Variants in ANO1 observed in about 807,000 individuals in gnomAD.
ANO1 encodes the protein anoctamin 1.
ANO1 carries 59 observed loss-of-function variants against 124.0 expected under a neutral mutation model. The observed-to-expected ratio is 0.48, with a 90% CI of 0.39 to 0.59. ANO1 has a LOEUF of 0.59. ANO1 is among the 20% of genes least tolerant of loss of function. The pLI is 0.00. For missense variants in ANO1, 1,059 were observed against 1,328.0 expected (o/e 0.80, Z 3.15); for synonymous variants, 529 against 532.0 (o/e 0.99, Z 0.08).
At chr11:70,109,274 G>A (rs1171037643) in intron 6 of ANO1, among the ~76,000 whole-genome samples, 1 of 152,196 alleles carries the variant, frequency 6.6e-6, no homozygotes, top group Non-Finnish European at 1.5e-5. Context: ...AATGCTGTGG[G>A]AAGTAAAATG....
At chr11:70,022,494 G>A (rs1856826038) in intron 1 of ANO1, among the ~76,000 whole-genome samples, 2 of 152,062 alleles carry the variant, frequency 1.3e-5, no homozygotes, top group African/African-American at 4.8e-5. Context: ...AGCTACTTGG[G>A]AGGCTGAGGC....
At chr11:70,060,758 G>C (rs991544829) in intron 1 of ANO1, among the ~76,000 whole-genome samples, 1 of 152,162 alleles carries the variant, frequency 6.6e-6, no homozygotes, top group Non-Finnish European at 1.5e-5. Context: ...AGGTCAACTT[G>C]TTCTGATAGA....
chr11:70,038,668 G>T (rs1349094883), intron 1 of ANO1, among the ~76,000 whole-genome samples: 2 of 152,184 alleles, frequency 1.3e-5, no homozygotes, highest in Non-Finnish European at 2.9e-5. Context: ...GGCCCCCAGG[G>T]AGAGAGCCAG....
At chr11:70,180,657 T>TGGGAAGACAGAGACAGAGATAGGA (rs374980561) in intron 23 of ANO1, among the ~76,000 whole-genome samples, 36 of 149,720 alleles carry the variant, frequency 2.4e-4, no homozygotes, top group African/African-American at 7.6e-4. Flanking sequence ...CAGAGATAGG[T>TGGGAAGACAGAGACAGAGATAGGA]GGGAAGACAG....
At chr11:70,140,433 A>G (rs1372558327) in intron 11 of ANO1, among the ~76,000 whole-genome samples, 1 of 152,110 alleles carries the variant, frequency 6.6e-6, no homozygotes, top group Admixed American at 6.6e-5. Flanking sequence ...CAGGAGGCTG[A>G]GGCAGGATAA....
intron 9 of ANO1, among the ~76,000 whole-genome samples, chr11:70,125,238 G>A (rs1180406361): frequency 6.6e-6 from 1 of 152,244 alleles, no homozygotes; most frequent in African/African-American, 2.4e-5. Flanking sequence ...AGCTACTAGG[G>A]AGGCTGAGGC....
chr11:70,141,109 C>T (rs1413285357), intron 11 of ANO1, among the ~76,000 whole-genome samples: 2 of 152,214 alleles, frequency 1.3e-5, no homozygotes, highest in Non-Finnish European at 2.9e-5. Context: ...CCTGGTCCCA[C>T]CTCTCTGTCC....
At chr11:70,167,082 G>A (rs1406985296) in intron 20 of ANO1, among the ~76,000 whole-genome samples, 160 bp from the exon 21 acceptor site, 2 of 152,194 alleles carry the variant, frequency 1.3e-5, no homozygotes, top group African/African-American at 4.8e-5. Context: ...AGGAGGCAGA[G>A]GTTGCAGTGA....
chr11:70,038,691 G>A (rs1555004711), intron 1 of ANO1, among the ~76,000 whole-genome samples: 1 of 152,082 alleles, frequency 6.6e-6, no homozygotes, highest in African/African-American at 2.4e-5. Flanking sequence ...CTTACCTGGT[G>A]CAAGAAACAC....
At chr11:70,043,985 A>G (rs1269315671) in intron 1 of ANO1, among the ~76,000 whole-genome samples, 1 of 151,590 alleles carries the variant, frequency 6.6e-6, no homozygotes, top group Non-Finnish European at 1.5e-5. Context: ...TATACCAAAA[A>G]TAATAACTGT....
At chr11:70,095,313 A>AAGGAAGGAAGG (rs1565193440) in intron 2 of ANO1, among the ~76,000 whole-genome samples, 10 of 103,270 alleles carry the variant, frequency 9.7e-5, no homozygotes, top group East Asian at 3.0e-4. Context: ...AGAAAGAAAG[A>AAGGAAGGAAGG]AAGAAAGGAA....
chr11:70,007,960 G>A (rs1188409745), intron 1 of ANO1, among the ~76,000 whole-genome samples: 13 of 152,138 alleles, frequency 8.5e-5, no homozygotes, highest in Admixed American at 5.2e-4. Flanking sequence ...ATCCCAGTGG[G>A]TGTGAGGTGG....
At chr11:70,032,266 T>G (rs1259871318) in intron 1 of ANO1, among the ~76,000 whole-genome samples, 2 of 152,100 alleles carry the variant, frequency 1.3e-5, no homozygotes, top group East Asian at 3.9e-4. Flanking sequence ...GCAGTCTCAT[T>G]GTGGACGGAC....
intron 1 of ANO1, among the ~76,000 whole-genome samples, chr11:69,995,697 C>A (rs1243889075): frequency 6.6e-6 from 1 of 152,188 alleles, no homozygotes; most frequent in Admixed American, 6.5e-5. Flanking sequence ...AAGAGCCATT[C>A]TCATGGCATC....
intron 20 of ANO1, among the ~76,000 whole-genome samples, chr11:70,166,320 A>G (rs2048252322): frequency 6.6e-6 from 1 of 152,210 alleles, no homozygotes; most frequent in Admixed American, 6.5e-5. Flanking sequence ...TCCGTCTCAA[A>G]AAAATAAATA....
At chr11:69,975,258 C>T in the ANO1 span, among the ~76,000 whole-genome samples, 1 of 152,254 alleles carries the variant, frequency 6.6e-6, no homozygotes, top group Non-Finnish European at 1.5e-5. Context: ...TACCCCCTCC[C>T]CACAGTGGGC....
At position 70,184,382 on chromosome 11, in the gene ANO1, A is replaced by G. The variant is rs1023012979; in HGVS notation, c.2589-1208A>G. ...CACGGGCAGTGGTCATGAATGGGGC[A>G]AGCCTCCTTCCTGAGGCTCCAATCA... On this transcript the variant is annotated intron_variant, in intron 24 of 25. Coordinates refer to ENST00000355303, the MANE Select transcript of ANO1 (RefSeq NM_018043.7). Among the ~76,000 whole-genome samples, 9 of 152,254 alleles carry G rather than the reference A, an allele frequency of 5.9e-5. No homozygotes were observed. In the East Asian group the frequency reaches 1.4e-3, roughly 23 times the overall value.
At chr11:70,075,810 C>T (rs375008929), upstream of ANO1, among the ~76,000 whole-genome samples, 2 of 152,118 alleles carry the variant, frequency 1.3e-5, no homozygotes, top group South Asian at 2.1e-4. Context: ...AGGACACAGG[C>T]GGGGACAGGG....
intron 1 of ANO1, among the ~76,000 whole-genome samples, chr11:69,988,134 G>A (rs1403173815): frequency 1.3e-5 from 2 of 152,162 alleles, no homozygotes; most frequent in African/African-American, 2.4e-5. Context: ...CGCCACTTTC[G>A]CTCTGTCCAT....
Sources: gnomAD v4.1 joint callset for allele counts (sites outside exome capture counted in the v4.1 genomes callset) on GRCh38, gnomAD v4.1.1 for gene constraint, MANE v1.5 for transcripts, NCBI Gene and HGNC (gene_info 2026-07-23, HGNC 2026-07-21) for gene names.